Variants in OR11A1 observed in about 807,000 individuals in gnomAD.
OR11A1 encodes the protein olfactory receptor 11A1.
For synonymous variants in OR11A1, 158 were observed against 152.2 expected (o/e 1.04, Z -0.28); for missense variants, 380 against 378.2 (o/e 1.00, Z -0.04).
At position 29,427,273 on chromosome 6, in the gene OR11A1, G is replaced by A. The variant is rs1400805217; in HGVS notation, c.369C>T (p.Arg123=). 1.2e-6 allele frequency: 2 copies of A among 1,613,066 alleles called. No individual in the cohort carries two copies. Among genetic ancestry groups the A allele is most frequent in the Non-Finnish European group, 8.5e-7 (1 of 1,180,040 alleles). Residue 123 remains arginine, a synonymous_variant, in exon 5 of 5, where the codon CGC becomes CGT. Coordinates refer to ENST00000377149, the MANE Select transcript of OR11A1 (RefSeq NM_001394828.1). ...GGAGTGGGTAGCAAATTGCCAGGTAGCGGTCATATGCCATGACAGCCAGCA... is the reference window on the plus strand; with the variant it reads ...GGAGTGGGTAGCAAATTGCCAGGTAACGGTCATATGCCATGACAGCCAGCA... ...CLLLAVMAYD[R]YLAICYPLHY...
chr6:29,427,129 G>A lies in OR11A1; in HGVS notation c.513C>T (p.Gly171=), dbSNP rs369343165. 7.3e-4 allele frequency: 1,173 copies of A among 1,613,004 alleles called. 20 individuals are homozygous for A. The South Asian group carries it at 0.011, about 15-fold the overall frequency. ...VALVAQLRFC[G]PNHIDQFYCD... ...AGTAAAACTGGTCAATGTGGTTGGG[G>A]CCACAGAACCTCAGCTGGGCCACCA... The change falls in exon 5 of 5, where the codon GGC becomes GGT. Residue 171 remains glycine (G), a synonymous_variant. Transcript: ENST00000377149.
intron 1 of OR11A1, among the ~76,000 whole-genome samples, chr6:29,444,651 G>C (rs1184787737): frequency 7.3e-6 from 1 of 137,486 alleles, no homozygotes; most frequent in South Asian, 2.2e-4. Context: ...CTCCACCATA[G>C]ATAGCTACCA....
chr6:29,455,481 A>G (rs1405787236), intron 1 of OR11A1, among the ~76,000 whole-genome samples: 1 of 152,194 alleles, frequency 6.6e-6, no homozygotes, highest in East Asian at 1.9e-4. Context: ...TAGCCTGAGG[A>G]CTACAGTTGA....
intron 1 of OR11A1, among the ~76,000 whole-genome samples, chr6:29,444,156 T>C (rs1273368591): frequency 6.6e-6 from 1 of 152,150 alleles, no homozygotes; most frequent in Non-Finnish European, 1.5e-5. Context: ...CTTGTGATAG[T>C]GAATGGGTCT....
At chr6:29,446,216 C>A (rs1784758671) in intron 1 of OR11A1, among the ~76,000 whole-genome samples, 1 of 152,128 alleles carries the variant, frequency 6.6e-6, no homozygotes, top group African/African-American at 2.4e-5. Flanking sequence ...ATCTGGTCAA[C>A]TTCCTTTGTA....
At chr6:29,440,265 C>A (rs1178427858) in intron 1 of OR11A1, 1 of 1,614,080 alleles carries the variant, frequency 6.2e-7, no homozygotes, top group East Asian at 2.2e-5. Context: ...ACTTCACCAC[C>A]TCCTTACTGG....
intron 1 of OR11A1, among the ~76,000 whole-genome samples, chr6:29,442,774 A>G (rs995559946): frequency 2.0e-5 from 3 of 152,258 alleles, no homozygotes; most frequent in African/African-American, 7.2e-5. Flanking sequence ...AAACTGCAAT[A>G]GCGAGGAACA....
At chr6:29,438,125 C>T (rs940023232) in intron 1 of OR11A1, among the ~76,000 whole-genome samples, 2 of 152,018 alleles carry the variant, frequency 1.3e-5, no homozygotes, top group African/African-American at 2.4e-5. Context: ...TACTTAAACC[C>T]GTTGGAGTTG....
Position 29,426,679 on chromosome 6 carries a change from C to A in OR11A1, c.*15G>T, listed in dbSNP as rs1222448975. On this transcript the variant is annotated 3_prime_UTR_variant, in exon 5 of 5. Transcript: ENST00000377149. Reference sequence around the variant, plus strand: ...AGGTGTCCGAAGTCCAAAATAACATCTTCATTACTCTCCTTCAATCAAGTG... The same window carrying A: ...AGGTGTCCGAAGTCCAAAATAACATATTCATTACTCTCCTTCAATCAAGTG... The A allele has an allele frequency of 1.9e-6, 3 of 1,590,976 alleles. No individual in the cohort carries two copies. The highest frequency in any genetic ancestry group is 2.6e-6 in the Non-Finnish European group (3 of 1,168,144).
chr6:29,450,997 T>C (rs1785313614), intron 1 of OR11A1, among the ~76,000 whole-genome samples: 1 of 152,208 alleles, frequency 6.6e-6, no homozygotes, highest in Admixed American at 6.5e-5. Context: ...AATAGCATGG[T>C]ACTGTTACAA....
intron 1 of OR11A1, chr6:29,440,234 G>A (rs775441554): frequency 6.8e-6 from 11 of 1,613,918 alleles, no homozygotes; most frequent in Admixed American, 1.7e-5. Context: ...TTGGCTATAC[G>A]TCTGTCACGG....
intron 1 of OR11A1, among the ~76,000 whole-genome samples, chr6:29,441,645 A>T (rs1011215231): frequency 2.6e-5 from 4 of 152,202 alleles, no homozygotes; most frequent in Non-Finnish European, 5.9e-5. Context: ...GGTTTGTTAT[A>T]TAGGTAAATT....
chr6:29,452,020 T>C (rs1228156301), intron 1 of OR11A1, among the ~76,000 whole-genome samples: 1 of 152,180 alleles, frequency 6.6e-6, no homozygotes, highest in Non-Finnish European at 1.5e-5. Flanking sequence ...AATCATGGCC[T>C]TTGCAGCAAC....
chr6:29,428,182 C>A, intron 4 of OR11A1: 1 of 957,340 alleles, frequency 1.0e-6, no homozygotes, highest in Non-Finnish European at 1.2e-6. Flanking sequence ...CCGCCCCTTT[C>A]ATTCCCCATC....
At chr6:29,435,801 A>G (rs1009894744) in intron 1 of OR11A1, among the ~76,000 whole-genome samples, 1 of 152,238 alleles carries the variant, frequency 6.6e-6, no homozygotes, top group Non-Finnish European at 1.5e-5. Context: ...AGTAAATATT[A>G]TCCAGGGCAG....
intron 1 of OR11A1, chr6:29,440,228 C>A (rs1344479651): frequency 1.2e-6 from 2 of 1,613,968 alleles, no homozygotes; most frequent in Admixed American, 1.7e-5. Flanking sequence ...TGGAGATTGG[C>A]TATACGTCTG....
intron 1 of OR11A1, among the ~76,000 whole-genome samples, chr6:29,456,443 G>C (rs368150285): frequency 6.6e-6 from 1 of 151,648 alleles, no homozygotes; most frequent in African/African-American, 2.4e-5. Flanking sequence ...CCGGAAGGCA[G>C]AGTTTTCAGT....
intron 1 of OR11A1, among the ~76,000 whole-genome samples, chr6:29,445,836 G>A (rs1784710797): frequency 6.6e-6 from 1 of 152,196 alleles, no homozygotes; most frequent in Non-Finnish European, 1.5e-5. Context: ...TAGGTTGTGT[G>A]CCCTCACTGG....
chr6:29,438,997 T>A (rs570419866), intron 1 of OR11A1, among the ~76,000 whole-genome samples: 47 of 152,374 alleles, frequency 3.1e-4, no homozygotes, highest in African/African-American at 9.4e-4. Flanking sequence ...TGTGGACTTG[T>A]ATTTCTAATA....
Sources: gnomAD v4.1 joint callset for allele counts (sites outside exome capture counted in the v4.1 genomes callset) on GRCh38, gnomAD v4.1.1 for gene constraint, MANE v1.5 for transcripts, NCBI Gene and HGNC (gene_info 2026-07-23, HGNC 2026-07-21) for gene names.